Variants in ARHGAP15 observed in about 807,000 individuals in gnomAD.
The protein encoded by ARHGAP15 is Rho GTPase activating protein 15.
ARHGAP15 carries 51 observed loss-of-function variants against 63.7 expected under a neutral mutation model. That is an observed-to-expected ratio of 0.80 (90% CI 0.64 to 1.01). ARHGAP15 has a LOEUF of 1.01. Among genes scored for constraint, ARHGAP15 ranks in the 50% least tolerant of loss-of-function variants. The probability of loss-of-function intolerance (pLI) is 0.00; values close to 1 mark genes in which losing one functional copy is unlikely to be tolerated. For missense variants in ARHGAP15, 560 were observed against 564.6 expected (o/e 0.99, Z 0.08); for synonymous variants, 191 against 193.8 (o/e 0.99, Z 0.12).
At chr2:143,623,441 T>C (rs938398777) in intron 11 of ARHGAP15, among the ~76,000 whole-genome samples, 5 of 152,200 alleles carry the variant, frequency 3.3e-5, no homozygotes, top group Admixed American at 2.6e-4. Context: ...TTTAGTGTGT[T>C]ATCATTTTTG....
chr2:143,679,464 A>G (rs1682988132), intron 12 of ARHGAP15, among the ~76,000 whole-genome samples: 1 of 152,202 alleles, frequency 6.6e-6, no homozygotes, highest in African/African-American at 2.4e-5. Context: ...TTATAAAACA[A>G]GACATTTGAA....
At chr2:143,356,666 C>T (rs908797104) in intron 6 of ARHGAP15, among the ~76,000 whole-genome samples, 3 of 152,118 alleles carry the variant, frequency 2.0e-5, no homozygotes, top group Admixed American at 6.5e-5. Context: ...CTTTAATATA[C>T]CCTCTCTGTT....
chr2:143,348,908 G>A (rs573414233), intron 6 of ARHGAP15, among the ~76,000 whole-genome samples: 1 of 152,294 alleles, frequency 6.6e-6, no homozygotes, highest in South Asian at 2.1e-4. Context: ...AATTAAGTCA[G>A]AAGGTGTTCC....
intron 3 of ARHGAP15, 63 bp from the exon 4 acceptor site, chr2:143,216,321 T>G (rs1348742167): frequency 7.9e-7 from 1 of 1,263,152 alleles, no homozygotes; most frequent in Non-Finnish European, 1.1e-6. Flanking sequence ...AAAGCATAGG[T>G]TTATTCAAAT....
At chr2:143,356,074 G>A (rs916465698) in intron 6 of ARHGAP15, among the ~76,000 whole-genome samples, 1 of 151,728 alleles carries the variant, frequency 6.6e-6, no homozygotes, top group Non-Finnish European at 1.5e-5. Context: ...GAGAGAGAGA[G>A]AAAGAAAGAA....
chr2:143,614,315 C>T (rs115222763), intron 11 of ARHGAP15, among the ~76,000 whole-genome samples: 1,589 of 152,290 alleles, frequency 0.01, 20 homozygotes, highest in Admixed American at 0.017. Context: ...TTTGACCAAA[C>T]TTCCTATATA....
At chr2:143,211,599 A>T (rs1692566013) in intron 3 of ARHGAP15, among the ~76,000 whole-genome samples, 1 of 152,100 alleles carries the variant, frequency 6.6e-6, no homozygotes, top group African/African-American at 2.4e-5. Flanking sequence ...TTATAGAGAG[A>T]TGATGCAGAG....
chr2:143,157,207 A>T (rs760750894), intron 2 of ARHGAP15, among the ~76,000 whole-genome samples: 1 of 151,920 alleles, frequency 6.6e-6, no homozygotes, highest in Admixed American at 6.6e-5. Context: ...GATGTACTTA[A>T]TAACTTTCAT....
At chr2:143,565,275 T>C (rs555602867) in intron 11 of ARHGAP15, among the ~76,000 whole-genome samples, 6 of 152,120 alleles carry the variant, frequency 3.9e-5, no homozygotes, top group Non-Finnish European at 8.8e-5. Flanking sequence ...TATAGTACTA[T>C]ATTTTCCAGG....
chr2:143,732,074 G>T lies in ARHGAP15; in HGVS notation c.1244+28550G>T, dbSNP rs1685561240. ...ATATTTGTGAATTAGACAGATGAAT[G>T]AATGAATGATTTGGAACCTGTTCCT... On this transcript the variant is annotated intron_variant, in intron 13 of 13. Coordinates refer to ENST00000295095, the MANE Select transcript of ARHGAP15 (RefSeq NM_018460.4). 2.0e-5 allele frequency among the ~76,000 whole-genome samples: 3 copies of T among 152,214 alleles called. No homozygotes were observed. In the South Asian group the frequency reaches 6.2e-4, roughly 31 times the overall value.
chr2:143,676,929 AT>A (rs1190705918), intron 12 of ARHGAP15, among the ~76,000 whole-genome samples: 1 of 152,268 alleles, frequency 6.6e-6, no homozygotes, highest in African/African-American at 2.4e-5. Flanking sequence ...GCAAAGTGCA[AT>A]AAAGCAAGGT....
chr2:143,371,009 G>C (rs998055946), intron 6 of ARHGAP15, among the ~76,000 whole-genome samples: 1 of 152,112 alleles, frequency 6.6e-6, no homozygotes, highest in African/African-American at 2.4e-5. Flanking sequence ...TGATAAATTG[G>C]GGGGAATAGG....
At chr2:143,721,112 G>A (rs1182059691) in intron 13 of ARHGAP15, among the ~76,000 whole-genome samples, 1 of 150,168 alleles carries the variant, frequency 6.7e-6, no homozygotes, top group African/African-American at 2.4e-5. Flanking sequence ...TCTGGGATGA[G>A]GCCTGAGATT....
At chr2:143,512,432 C>G (rs912163661) in intron 9 of ARHGAP15, among the ~76,000 whole-genome samples, 2 of 152,092 alleles carry the variant, frequency 1.3e-5, no homozygotes, top group African/African-American at 4.8e-5. Context: ...AAGGACCATC[C>G]CCAAGGGAAT....
chr2:143,262,014 G>C (rs1412719357), intron 6 of ARHGAP15, among the ~76,000 whole-genome samples: 1 of 152,110 alleles, frequency 6.6e-6, no homozygotes, highest in African/African-American at 2.4e-5. Context: ...CTGTTCATGG[G>C]TGGGCGTGTC....
intron 8 of ARHGAP15, among the ~76,000 whole-genome samples, chr2:143,444,123 C>CA (rs1274986670): frequency 2.6e-5 from 4 of 152,116 alleles, no homozygotes; most frequent in Non-Finnish European, 5.9e-5. Flanking sequence ...CTGACCCTGG[C>CA]AATAACACCA....
intron 12 of ARHGAP15, among the ~76,000 whole-genome samples, chr2:143,669,362 TTACCTA>T (rs1338136732): frequency 6.6e-6 from 1 of 152,186 alleles, no homozygotes; most frequent in Non-Finnish European, 1.5e-5. Context: ...CATGAATCAC[TTACCTA>T]TACCAAGATG....
intron 6 of ARHGAP15, among the ~76,000 whole-genome samples, chr2:143,296,115 G>A (rs1682624014): frequency 2.0e-5 from 3 of 151,972 alleles, no homozygotes; most frequent in Admixed American, 1.3e-4. Flanking sequence ...CTCTCATGCA[G>A]AGAATATTTC....
At chr2:143,196,950 A>C (rs1171556666) in intron 2 of ARHGAP15, among the ~76,000 whole-genome samples, 1 of 151,978 alleles carries the variant, frequency 6.6e-6, no homozygotes, top group Non-Finnish European at 1.5e-5. Flanking sequence ...TTATTCTTCT[A>C]TTCAAGTTTT....
Sources: allele counts gnomAD v4.1 joint callset (sites outside exome capture counted in the v4.1 genomes callset), GRCh38; gene constraint gnomAD v4.1.1; transcripts MANE v1.5; gene names NCBI Gene and HGNC (gene_info 2026-07-23, HGNC 2026-07-21).